The following SHISAL1 variants were observed in gnomAD, a reference collection of about 807,000 sequenced individuals.
SHISAL1 encodes the protein shisa like 1, also known as protein shisa-like-1.
In SHISAL1, 9 loss-of-function variants were observed where a neutral mutation model predicts 22.6. The observed-to-expected ratio is 0.40, with a 90% confidence interval of 0.24 to 0.70. The LOEUF is 0.70. SHISAL1 is among the 30% of genes least tolerant of loss of function. The pLI, the probability that SHISAL1 is intolerant of heterozygous loss-of-function variation, is 0.39. For synonymous variants in SHISAL1, 119 were observed against 115.4 expected, an observed-to-expected ratio of 1.03 and a Z score of -0.20; for missense variants, 246 against 270.6, an observed-to-expected ratio of 0.91 and a Z score of 0.64.
chr22:44,329,124 C>G, the SHISAL1 span, among the ~76,000 whole-genome samples: 1 of 152,216 alleles, frequency 6.6e-6, no homozygotes, highest in Non-Finnish European at 1.5e-5. Flanking sequence ...ATGCCTCCAG[C>G]TCTGCTGGCT....
At chr22:44,313,347 G>T (rs2055533994), upstream of SHISAL1, among the ~76,000 whole-genome samples, 1 of 152,234 alleles carries the variant, frequency 6.6e-6, no homozygotes, top group Middle Eastern at 3.2e-3. Context: ...CATGGCCCGG[G>T]GAGGGGTGTG....
chr22:44,271,246 G>T (rs1480920442), intron 4 of SHISAL1, among the ~76,000 whole-genome samples: 1 of 152,148 alleles, frequency 6.6e-6, no homozygotes, highest in African/African-American at 2.4e-5. Flanking sequence ...GCCCAGCCCA[G>T]GCAGCTCCAG....
chr22:44,277,022 GCT>G (rs1840686633), intron 4 of SHISAL1, among the ~76,000 whole-genome samples: 1 of 152,338 alleles, frequency 6.6e-6, no homozygotes, highest in East Asian at 1.9e-4. Context: ...TGCCTAAGCT[GCT>G]CTCTCTGCCG....
chr22:44,266,500 TGTATGTGTGTGTTGGGGGCTTTGGG>T lies in SHISAL1; in HGVS notation c.*-16840_*-16816del, dbSNP rs2055163058. Reference sequence around the variant, plus strand: ...TGTGTGTGTCTGTTGGGGGCTCTGGTGTATGTGTGTGTTGGGGGCTTTGGGGTATGTGTGTGTGTGTGTGTGTGTG... The same window carrying T: ...TGTGTGTGTCTGTTGGGGGCTCTGGTGTATGTGTGTGTGTGTGTGTGTGTG... On this transcript the variant is annotated intron_variant, in intron 4 of 4. Transcript: ENST00000381176. 2.6e-5 allele frequency among the ~76,000 whole-genome samples: 3 copies of T among 115,526 alleles called. No individual in the cohort carries two copies. In the South Asian group the frequency reaches 9.2e-4, roughly 35 times the overall value. 75.8% of individuals were successfully genotyped at this position (115,526 alleles called of 152,430 possible).
chr22:44,245,668 G>A lies in SHISAL1; in HGVS notation c.*4017C>T, dbSNP rs1412524377. 6.6e-6 allele frequency: 1 copy of A among 152,262 alleles called. No homozygotes were observed. The highest frequency in any genetic ancestry group is 1.5e-5 in the Non-Finnish European group (1 of 68,126). The allele number at this position is 152,262 out of a possible 1,614,324, so 9.4% of individuals were successfully genotyped here. ...GAGCCAACCTGGACAGCGGCCTGTG[G>A]GGGAGTCAGTGCCAAGCACAGCCAC... On this transcript the variant is annotated 3_prime_UTR_variant, in exon 5 of 5. Coordinates refer to ENST00000381176, the MANE Select transcript of SHISAL1 (RefSeq NM_001099294.2).
intron 4 of SHISAL1, among the ~76,000 whole-genome samples, chr22:44,275,519 G>C (rs2055233674): frequency 1.3e-5 from 2 of 152,206 alleles, no homozygotes; most frequent in African/African-American, 2.4e-5. Context: ...CTGGGGGATG[G>C]GTGAGGCCTA....
intron 3 of SHISAL1, among the ~76,000 whole-genome samples, chr22:44,293,898 C>T (rs945855388): frequency 3.3e-5 from 5 of 152,262 alleles, no homozygotes; most frequent in Non-Finnish European, 4.4e-5. Flanking sequence ...CCCAACTCTT[C>T]ATCAGCAGCC....
At position 44,295,868 on chromosome 22, in the gene SHISAL1, G is replaced by GCTTTT. The variant is rs540845288; in HGVS notation, c.281+799_281+803dup. Among the ~76,000 whole-genome samples, 183 of 152,312 alleles carry GCTTTT rather than the reference G, an allele frequency of 1.2e-3. 1 individual carries two copies. The highest frequency in any genetic ancestry group is 4.2e-3 in the African/African-American group (176 of 41,576). ...TGACTCTACTTAGCGTGTTCCCATT[G>GCTTTT]CTTTTCTAACAGCAAACTCTCTCTT... On this transcript the variant is annotated intron_variant, in intron 3 of 4. Transcript: ENST00000381176.
At chr22:44,292,359 C>T (rs1291316989) in intron 3 of SHISAL1, among the ~76,000 whole-genome samples, 1 of 152,168 alleles carries the variant, frequency 6.6e-6, no homozygotes, top group Non-Finnish European at 1.5e-5. Flanking sequence ...TGGTGCGGTC[C>T]CCAGTGGCAC....
chr22:44,266,224 G>A (rs1310579382), intron 4 of SHISAL1, among the ~76,000 whole-genome samples: 2 of 152,212 alleles, frequency 1.3e-5, no homozygotes, highest in South Asian at 2.1e-4. Flanking sequence ...CACACAGAAA[G>A]CACTCAAGAA....
At chr22:44,253,950 C>T (rs77015539) in intron 4 of SHISAL1, among the ~76,000 whole-genome samples, 13,186 of 151,598 alleles carry the variant, frequency 0.087, 916 homozygotes, top group Admixed American at 0.18. Context: ...TTCCAAAAAA[C>T]AGAAATAAGA....
intron 1 of SHISAL1, among the ~76,000 whole-genome samples, chr22:44,305,767 C>CA: frequency 6.6e-6 from 1 of 152,324 alleles, no homozygotes; most frequent in South Asian, 2.1e-4. Context: ...GCTGTGCCCC[C>CA]AACCCCCCGA....
At chr22:44,298,896 C>A (rs958644519) in intron 2 of SHISAL1, among the ~76,000 whole-genome samples, 2 of 152,226 alleles carry the variant, frequency 1.3e-5, no homozygotes, top group African/African-American at 4.8e-5. Flanking sequence ...AACGATGAAG[C>A]CTCCCCGGCT....
intron 4 of SHISAL1, among the ~76,000 whole-genome samples, chr22:44,268,661 G>C (rs2147278656): frequency 6.6e-6 from 1 of 152,332 alleles, no homozygotes; most frequent in African/African-American, 2.4e-5. Context: ...AGCAGGGAGA[G>C]GGTGTTTTAG....
chr22:44,298,264 C>CA (rs1248661360), intron 2 of SHISAL1, among the ~76,000 whole-genome samples: 3 of 152,252 alleles, frequency 2.0e-5, no homozygotes, highest in Non-Finnish European at 2.9e-5. Flanking sequence ...CACCCCATCT[C>CA]ATTTATTCCC....
chr22:44,276,858 G>C (rs1184598514), intron 4 of SHISAL1, among the ~76,000 whole-genome samples: 1 of 152,096 alleles, frequency 6.6e-6, no homozygotes, highest in Non-Finnish European at 1.5e-5. Context: ...AGAAGTGAAA[G>C]GGAGGAGCGC....
At chr22:44,312,019 G>A (rs560055301) in intron 1 of SHISAL1, among the ~76,000 whole-genome samples, 1 of 152,094 alleles carries the variant, frequency 6.6e-6, no homozygotes, top group Non-Finnish European at 1.5e-5. Flanking sequence ...CATGGCGCTC[G>A]CCTCGGGGTG....
chr22:44,305,848 G>T (rs553416188), intron 1 of SHISAL1, among the ~76,000 whole-genome samples: 2 of 152,198 alleles, frequency 1.3e-5, no homozygotes, highest in Non-Finnish European at 2.9e-5. Flanking sequence ...CCCCAGGGGC[G>T]TGTGGGGAAC....
At chr22:44,263,296 C>G (rs1440992213) in intron 4 of SHISAL1, among the ~76,000 whole-genome samples, 2 of 152,024 alleles carry the variant, frequency 1.3e-5, no homozygotes, top group Admixed American at 1.3e-4. Context: ...GTCTCGAACT[C>G]CTGACCTCAG....
Sources: allele counts gnomAD v4.1 joint callset (sites outside exome capture counted in the v4.1 genomes callset), GRCh38; gene constraint gnomAD v4.1.1; transcripts MANE v1.5; gene names NCBI Gene and HGNC (gene_info 2026-07-23, HGNC 2026-07-21).